MYO16: variants seen among roughly 807,000 people sequenced by gnomAD.
MYO16 encodes myosin XVI.
A neutral mutation model predicts 205.3 loss-of-function variants in MYO16; 94 were observed. The ratio of observed to expected loss-of-function variants is 0.46; its 90% CI spans 0.39 to 0.54. The LOEUF is 0.54. Ranked by LOEUF, MYO16 falls within the 20% of genes least tolerant of loss-of-function variation. The pLI, the probability that MYO16 is intolerant of heterozygous loss-of-function variation, is 0.00. For synonymous variants in MYO16, 988 were observed against 954.0 expected (o/e 1.04, Z -0.66); for missense variants, 2,315 against 2,387.5 (o/e 0.97, Z 0.63).
intron 20 of MYO16, 90 bp from the exon 21 acceptor site, chr13:108,992,286 G>GT (rs1884861579): frequency 1.2e-6 from 1 of 835,060 alleles, no homozygotes; most frequent in African/African-American, 1.8e-5. Context: ...TGTGCTAAGT[G>GT]GCTGGATTCT....
In MYO16 at chr13:109,120,442, A is replaced by G. The variant is rs1352328790; in HGVS notation, c.3511A>G (p.Arg1171Gly). 1 of 1,611,868 alleles carries G rather than the reference A, an allele frequency of 6.2e-7. No homozygotes were observed. The highest frequency in any genetic ancestry group is 8.5e-7 in the Non-Finnish European group (1 of 1,179,196). ...CAATGATTTGTGCCTACAGTTGCAG[A>G]GAAAAATTATAACCTGCCAAAAAGG... ...QLNDLCLQLQ[R>G]KIITCQKVIR... Residue 1171 changes from arginine to glycine, a missense_variant, in exon 29 of 35, where the codon AGA becomes GGA. Transcript: ENST00000457511.
chr13:109,142,378 G>A (rs962058447), intron 32 of MYO16, among the ~76,000 whole-genome samples: 2 of 152,160 alleles, frequency 1.3e-5, no homozygotes, highest in Non-Finnish European at 2.9e-5. Context: ...CATCATGATG[G>A]CACTGGATCC....
intron 2 of MYO16, among the ~76,000 whole-genome samples, chr13:108,685,437 T>C (rs1882639454): frequency 6.6e-6 from 1 of 152,200 alleles, no homozygotes; most frequent in Non-Finnish European, 1.5e-5. Context: ...TGTATTTACC[T>C]GTGTTAAATT....
rs931643435 is a variant in MYO16, at chr13:108,793,456, G to A, written c.617-60G>A. The A allele has an allele frequency of 5.8e-6, 9 of 1,546,952 alleles. No individual in the cohort carries two copies. The African/African-American group carries it at 1.2e-4, about 21-fold the overall frequency. ...AGAATAGGTTATAAAGCTAGGCTTTGACCCCCAGGAACTGAGAAGTATCTC... is the reference window on the plus strand; with the variant it reads ...AGAATAGGTTATAAAGCTAGGCTTTAACCCCCAGGAACTGAGAAGTATCTC... On this transcript the variant is annotated intron_variant, in intron 5 of 34. Coordinates refer to ENST00000457511, the MANE Select transcript of MYO16 (RefSeq NM_001198950.3).
chr13:108,599,521 T>G (rs1359654787), intron 1 of MYO16, among the ~76,000 whole-genome samples: 2 of 152,148 alleles, frequency 1.3e-5, no homozygotes, highest in Non-Finnish European at 2.9e-5. Flanking sequence ...GGCTGTTACT[T>G]TGTAATTCAA....
chr13:108,761,666 A>G (rs1054782559), intron 4 of MYO16, among the ~76,000 whole-genome samples: 1 of 152,190 alleles, frequency 6.6e-6, no homozygotes, highest in African/African-American at 2.4e-5. Context: ...ATTTGACCTG[A>G]ACATTATTAC....
intron 5 of MYO16, among the ~76,000 whole-genome samples, chr13:108,786,192 C>T (rs1566328026): frequency 6.6e-6 from 1 of 152,184 alleles, no homozygotes; most frequent in African/African-American, 2.4e-5. Flanking sequence ...CACTTGTCTG[C>T]AAATCGACCC....
At chr13:108,504,717 G>C in the MYO16 span, among the ~76,000 whole-genome samples, 2 of 151,504 alleles carry the variant, frequency 1.3e-5, no homozygotes, top group African/African-American at 4.8e-5. Flanking sequence ...TGTATTTTTA[G>C]TAGAGACGGG....
intron 12 of MYO16, among the ~76,000 whole-genome samples, chr13:108,880,664 G>C (rs1393472068): frequency 6.6e-6 from 1 of 152,210 alleles, no homozygotes; most frequent in East Asian, 1.9e-4. Context: ...TCAAAGATCA[G>C]ATGGTTGTAG....
Position 109,055,840 on chromosome 13 carries a change from A to G in MYO16, c.3335+245A>G, listed in dbSNP as rs1333812081. 8.3e-6 allele frequency: 3 copies of G among 361,340 alleles called. No homozygotes were observed. The highest frequency in any genetic ancestry group is 1.5e-5 in the Non-Finnish European group (3 of 199,972). 22.4% of individuals were successfully genotyped at this position (361,340 alleles called of 1,614,324 possible). A position where few individuals can be genotyped will look rare whatever the true frequency, so the allele number is the denominator to read the frequency against. On this transcript the variant is annotated intron_variant, in intron 27 of 34. Coordinates refer to ENST00000457511, the MANE Select transcript of MYO16 (RefSeq NM_001198950.3). The surrounding 1 kb of genome is among the most constrained non-coding windows in gnomAD (Gnocchi z 5.0). ...TGGAAACCATTCTCATGTTCCTTTC[A>G]AAGTGTGGCTTTCCTTGGATTAAAG...
intron 21 of MYO16, among the ~76,000 whole-genome samples, chr13:108,994,967 C>A (rs1434857182): frequency 6.6e-6 from 1 of 152,150 alleles, no homozygotes; most frequent in Non-Finnish European, 1.5e-5. Flanking sequence ...CATCTCCAAC[C>A]TCAGTCTCCT....
rs545493093 is a variant in MYO16 at position 108,683,453 on chromosome 13, A to T, written c.292+17304A>T. On this transcript the variant is annotated intron_variant, in intron 2 of 34. Transcript: ENST00000457511. ...AAAGAAAGAAAAATACCCAAACCTT[A>T]TAGTCCATGACCTAACTCTCATGGG... Among the ~76,000 whole-genome samples the T allele has an allele frequency of 2.6e-5, 4 of 152,318 alleles. No homozygotes were observed. The East Asian group carries it at 7.7e-4, about 29-fold the overall frequency.
At chr13:108,642,768 G>C (rs1208884817) in intron 1 of MYO16, among the ~76,000 whole-genome samples, 1 of 151,986 alleles carries the variant, frequency 6.6e-6, no homozygotes, top group East Asian at 1.9e-4. Flanking sequence ...AGTGACAGAG[G>C]CTGGCATCTG....
In MYO16 at chr13:108,876,609, G is replaced by A. The variant is rs933381379; in HGVS notation, c.1426-6450G>A. On this transcript the variant is annotated intron_variant, in intron 12 of 34. Coordinates refer to ENST00000457511, the MANE Select transcript of MYO16 (RefSeq NM_001198950.3). ...GAACACATATATACATTCAAAAAGT[G>A]GGTATACCACTATTTTTTATATTTT... Among the ~76,000 whole-genome samples, 4 of 151,626 alleles carry A rather than the reference G, an allele frequency of 2.6e-5. No homozygotes were observed. The East Asian group carries it at 5.8e-4, about 22-fold the overall frequency.
At chr13:109,176,474 C>CT (rs944960288) in intron 33 of MYO16, among the ~76,000 whole-genome samples, 119 of 131,892 alleles carry the variant, frequency 9.0e-4, no homozygotes, top group African/African-American at 3.0e-3. Flanking sequence ...AATCCGTTTT[C>CT]TTTTTTTTTA....
At chr13:109,174,758 T>C (rs1215252522) in intron 33 of MYO16, among the ~76,000 whole-genome samples, 1 of 147,470 alleles carries the variant, frequency 6.8e-6, no homozygotes, top group East Asian at 2.0e-4. Flanking sequence ...CTTTTTTTTT[T>C]TTTTTTTTTT....
chr13:108,712,240 A>C (rs1883750755), intron 2 of MYO16, among the ~76,000 whole-genome samples: 1 of 152,250 alleles, frequency 6.6e-6, no homozygotes, highest in African/African-American at 2.4e-5. Context: ...AATGTGCAAA[A>C]GTAAACTTTT....
chr13:108,572,814 T>C, the MYO16 span, among the ~76,000 whole-genome samples: 1 of 152,164 alleles, frequency 6.6e-6, no homozygotes, highest in Non-Finnish European at 1.5e-5. Context: ...GAGGGGAGCA[T>C]GTTAATAGTG....
At chr13:108,751,284 G>T (rs888685625) in intron 4 of MYO16, among the ~76,000 whole-genome samples, 1 of 152,128 alleles carries the variant, frequency 6.6e-6, no homozygotes, top group Non-Finnish European at 1.5e-5. Context: ...GCATCAGCTT[G>T]TAGTGCTTGA....
Sources: allele counts gnomAD v4.1 joint callset (sites outside exome capture counted in the v4.1 genomes callset), GRCh38; gene constraint gnomAD v4.1.1; non-coding constraint Gnocchi (gnomAD v3.1); transcripts MANE v1.5; gene names NCBI Gene and HGNC (gene_info 2026-07-23, HGNC 2026-07-21).